Variants in MTA3 observed in about 807,000 individuals in gnomAD.
MTA3 encodes the protein metastasis associated 1 family member 3.
Under a neutral mutation model 83.5 loss-of-function variants are expected in MTA3, and 34 were observed. The ratio of observed to expected loss-of-function variants is 0.41; its 90% confidence interval spans 0.31 to 0.54. MTA3 has a LOEUF of 0.54. Ranked by LOEUF, MTA3 falls within the 20% of genes least tolerant of loss-of-function variation. The pLI, the probability that MTA3 is intolerant of heterozygous loss-of-function variation, is 0.33. For missense variants in MTA3, 761 were observed against 726.4 expected (o/e 1.05, Z -0.55); for synonymous variants, 303 against 252.7 (o/e 1.20, Z -1.89).
At chr2:42,732,032 T>C (rs1668265014) in intron 16 of MTA3, among the ~76,000 whole-genome samples, 3 of 152,344 alleles carry the variant, frequency 2.0e-5, no homozygotes, top group Admixed American at 2.0e-4. Flanking sequence ...ATCCAGGTCA[T>C]GCTGACAAAA....
intron 4 of MTA3, chr2:42,614,314 C>G (rs531165383): frequency 1.3e-5 from 2 of 152,306 alleles, no homozygotes; most frequent in Admixed American, 6.5e-5. Context: ...TCAGGCTAGT[C>G]TGAAACTCCC....
At chr2:42,540,918 A>G (rs768755621) in intron 2 of MTA3, among the ~76,000 whole-genome samples, 8 of 152,162 alleles carry the variant, frequency 5.3e-5, no homozygotes, top group Non-Finnish European at 1.2e-4. Flanking sequence ...AAACAATTCA[A>G]TGCACGAATT....
At chr2:42,694,321 G>C (rs551357254) in intron 9 of MTA3, among the ~76,000 whole-genome samples, 1 of 152,036 alleles carries the variant, frequency 6.6e-6, no homozygotes, top group African/African-American at 2.4e-5. Context: ...CCCAGCACTA[G>C]GAGTTGTTTA....
At chr2:42,590,239 A>T (rs1453556304) in intron 3 of MTA3, among the ~76,000 whole-genome samples, 4 of 152,176 alleles carry the variant, frequency 2.6e-5, no homozygotes, top group African/African-American at 9.7e-5. Flanking sequence ...GAGGTGGGGC[A>T]TAATGGGAGA....
intron 4 of MTA3, among the ~76,000 whole-genome samples, chr2:42,620,000 T>G (rs1410808531): frequency 6.6e-6 from 1 of 152,186 alleles, no homozygotes; most frequent in Non-Finnish European, 1.5e-5. Flanking sequence ...TGGCCCTTCT[T>G]TATAATTGAG....
intron 4 of MTA3, among the ~76,000 whole-genome samples, chr2:42,638,777 A>T (rs189117652): frequency 6.6e-6 from 1 of 151,668 alleles, no homozygotes; most frequent in Non-Finnish European, 1.5e-5. Flanking sequence ...CTTTATAAAC[A>T]CTTCCAGTAA....
intron 3 of MTA3, among the ~76,000 whole-genome samples, chr2:42,590,634 T>TTTTTTTTG (rs1553351759): frequency 6.0e-5 from 1 of 16,616 alleles, no homozygotes; most frequent in Non-Finnish European, 1.3e-4. Flanking sequence ...TTTTTTTTTG[T>TTTTTTTTG]GAGGTGGAGT....
chr2:42,736,210 G>A (rs1040424089), intron 16 of MTA3, among the ~76,000 whole-genome samples: 1 of 152,274 alleles, frequency 6.6e-6, no homozygotes, highest in East Asian at 1.9e-4. Context: ...GTTGTCTTGG[G>A]TAAGATCTGG....
At position 42,499,480 on chromosome 2, in the gene MTA3, A is replaced by G. The variant is rs547541248; in HGVS notation, c.-141+4226A>G. On this transcript the variant is annotated intron_variant, in intron 2 of 17. Transcript: ENST00000405592. ...CACGCCCGGCGAGGGTAGATCTTAT[A>G]GGTGTTCTTATCATTTCAAAAAAAG... 3.2e-4 allele frequency among the ~76,000 whole-genome samples: 48 copies of G among 149,966 alleles called. No homozygotes were observed. In the South Asian group the frequency reaches 0.01, roughly 32 times the overall value.
At chr2:42,590,674 G>C (rs2103934491) in intron 3 of MTA3, among the ~76,000 whole-genome samples, 1 of 142,680 alleles carries the variant, frequency 7.0e-6, no homozygotes, top group South Asian at 2.2e-4. Context: ...AGGCTGGAGT[G>C]CAATGGTGCG....
intron 2 of MTA3, among the ~76,000 whole-genome samples, chr2:42,533,751 G>C (rs1368760363): frequency 6.8e-6 from 1 of 146,574 alleles, no homozygotes; most frequent in Non-Finnish European, 1.5e-5. Flanking sequence ...AGAATCGCTT[G>C]AACCCAAGAG....
intron 4 of MTA3, among the ~76,000 whole-genome samples, chr2:42,633,617 C>T (rs1448082555): frequency 1.3e-5 from 2 of 149,180 alleles, no homozygotes; most frequent in East Asian, 2.0e-4. Flanking sequence ...CTTGGCTGGG[C>T]GCGGTGGCTC....
intron 4 of MTA3, among the ~76,000 whole-genome samples, chr2:42,625,023 T>G (rs1685938187): frequency 6.6e-6 from 1 of 152,136 alleles, no homozygotes; most frequent in African/African-American, 2.4e-5. Flanking sequence ...AAGATCTGTT[T>G]TCCTTTATTT....
chr2:42,756,544 C>T lies in MTA3; in HGVS notation c.*3145C>T. On this transcript the variant is annotated 3_prime_UTR_variant, in exon 17 of 17. Coordinates refer to ENST00000405094, the MANE Select transcript of MTA3 (RefSeq NM_001330442.2). ...TTTATGCCCCACTGCTGTCCTAAGT[C>T]CCTGGCGAGGGGAGGTGGAGGAGCT... 1 of 985,598 alleles carries T rather than the reference C, an allele frequency of 1.0e-6. No homozygotes were observed. The highest frequency in any genetic ancestry group is 1.2e-6 in the Non-Finnish European group (1 of 830,218). The allele number at this position is 985,598 out of a possible 1,614,324, so 61.1% of individuals were successfully genotyped here. A position where few individuals can be genotyped will look rare whatever the true frequency, so the allele number is the denominator to read the frequency against.
intron 16 of MTA3, among the ~76,000 whole-genome samples, chr2:42,737,571 T>C (rs1668704494): frequency 6.6e-6 from 1 of 152,208 alleles, no homozygotes; most frequent in Non-Finnish European, 1.5e-5. Context: ...AGCTAGTTCT[T>C]CAATTTGGTG....
At chr2:42,695,634 CAAAAAAAAAAAAAAAAAAAA>C in intron 9 of MTA3, 111 bp from the exon 10 acceptor site, 3 of 130,152 alleles carry the variant, frequency 2.3e-5, no homozygotes, top group African/African-American at 8.9e-5. Context: ...CAGTCTATCT[CAAAAAAAAAAAAAAAAAAAA>C]AAAAAAAGAA....
At chr2:42,711,679 C>T (rs1332337661) in intron 14 of MTA3, among the ~76,000 whole-genome samples, 1 of 152,000 alleles carries the variant, frequency 6.6e-6, no homozygotes, top group African/African-American at 2.4e-5. Context: ...ACCTCTTCAG[C>T]AGATGTCTTG....
At chr2:42,616,032 G>A (rs1429957872) in intron 4 of MTA3, among the ~76,000 whole-genome samples, 2 of 150,352 alleles carry the variant, frequency 1.3e-5, no homozygotes, top group Non-Finnish European at 3.0e-5. Flanking sequence ...ACAGGCGTGA[G>A]CCACCGAGAC....
At chr2:42,659,016 T>G (rs1178091710) in intron 7 of MTA3, among the ~76,000 whole-genome samples, 1 of 151,998 alleles carries the variant, frequency 6.6e-6, no homozygotes, top group Non-Finnish European at 1.5e-5. Flanking sequence ...GAAGATTGTT[T>G]GAGCCCAGGA....
Sources: allele counts gnomAD v4.1 joint callset (sites outside exome capture counted in the v4.1 genomes callset), GRCh38; gene constraint gnomAD v4.1.1; transcripts MANE v1.5; gene names NCBI Gene and HGNC (gene_info 2026-07-23, HGNC 2026-07-21).